ZNF439: variants seen among roughly 807,000 people sequenced by gnomAD.
The protein encoded by ZNF439 is zinc finger protein 439.
ZNF439 carries 40 observed loss-of-function variants against 47.3 expected under a neutral mutation model. That is an observed-to-expected ratio of 0.85 (90% CI 0.66 to 1.10). ZNF439 has a LOEUF of 1.10. ZNF439 is among the 50% of genes least tolerant of loss of function. The pLI is 0.00. For missense variants in ZNF439, 556 were observed against 601.1 expected, an observed-to-expected ratio of 0.93 and a Z score of 0.78; for synonymous variants, 171 against 198.8, an observed-to-expected ratio of 0.86 and a Z score of 1.18.
chr19:11,849,067 G>C, intron 1 of ZNF439, 137 bp downstream of exon 1: 1 of 1,223,460 alleles, frequency 8.2e-7, no homozygotes, highest in Non-Finnish European at 1.0e-6. Flanking sequence ...CCCCGCGGCC[G>C]CTGGATGTGG....
At chr19:11,866,146 C>G (rs1458433951) in intron 1 of ZNF439, 59 bp from the exon 2 acceptor site, 5 of 1,610,830 alleles carry the variant, frequency 3.1e-6, no homozygotes, top group East Asian at 4.5e-5. Flanking sequence ...GGAATAGAGT[C>G]TAGGCCCCCA....
intron 1 of ZNF439, among the ~76,000 whole-genome samples, chr19:11,854,654 A>G (rs1976336357): frequency 2.0e-5 from 3 of 152,162 alleles, no homozygotes. Context: ...GCTACTCAGG[A>G]GGCTGAGGCA....
intron 1 of ZNF439, among the ~76,000 whole-genome samples, chr19:11,863,861 G>C (rs1484525746): frequency 6.6e-6 from 1 of 152,122 alleles, no homozygotes; most frequent in Non-Finnish European, 1.5e-5. Flanking sequence ...AGGTGTTTCA[G>C]TACCATTTGT....
Position 11,867,950 on chromosome 19 carries a change from G to C in ZNF439, c.896G>C (p.Gly299Ala), listed in dbSNP as rs1187825099. Reference sequence around the variant, plus strand: ...CACAGACATGAAAGGAGTCACATGGGAGAGAAGGCTTATCAATGTAAGGAA... The same window carrying C: ...CACAGACATGAAAGGAGTCACATGGCAGAGAAGGCTTATCAATGTAAGGAA... ...SCHRHERSHMGEKAYQCKECG... is the reference protein window; with the variant it reads ...SCHRHERSHMAEKAYQCKECG... The change falls in exon 4 of 4, where the codon GGA becomes GCA. Residue 299 changes from glycine (G) to alanine (A), a missense_variant. Coordinates refer to ENST00000682736, the MANE Select transcript of ZNF439 (RefSeq NM_001348719.2). 6.2e-7 allele frequency: 1 copy of C among 1,614,138 alleles called. No individual in the cohort carries two copies. The highest frequency in any genetic ancestry group is 2.2e-5 in the East Asian group (1 of 44,868).
At position 11,867,721 on chromosome 19, in the gene ZNF439, T is replaced by G; in HGVS notation, c.667T>G (p.Phe223Val). 1 of 1,614,148 alleles carries G rather than the reference T, an allele frequency of 6.2e-7. No individual in the cohort carries two copies. The highest frequency in any genetic ancestry group is 1.3e-5 in the African/African-American group (1 of 75,044). Residue 223 changes from phenylalanine (F) to valine (V), a missense_variant, in exon 4 of 4, where the codon TTT (phenylalanine) becomes GTT (valine). Phe to Val is a conservative substitution (Grantham distance 50). Transcript: ENST00000682736. ...HSGDGPYKCKFCGKAFHCLSL... is the reference protein window; with the variant it reads ...HSGDGPYKCKVCGKAFHCLSL... ...TGGGGATGGACCTTATAAATGTAAG[T>G]TTTGTGGGAAAGCATTCCATTGTCT...
At chr19:11,851,662 ATTTT>A (rs59080807) in intron 1 of ZNF439, among the ~76,000 whole-genome samples, 1 of 145,860 alleles carries the variant, frequency 6.9e-6, no homozygotes, top group African/African-American at 2.5e-5. Flanking sequence ...CAATAATTTA[ATTTT>A]TTTTTTTTTT....
chr19:11,848,987 G>A, intron 1 of ZNF439, 57 bp downstream of exon 1: 1 of 1,473,816 alleles, frequency 6.8e-7, no homozygotes, highest in South Asian at 1.2e-5. Flanking sequence ...GAACTGGCGG[G>A]ACCCGGGCCT....
At chr19:11,866,079 T>A in intron 1 of ZNF439, 126 bp from the exon 2 acceptor site, 1 of 1,536,984 alleles carries the variant, frequency 6.5e-7, no homozygotes. Flanking sequence ...GAAAGGGATC[T>A]GATGACCAAA....
rs766473520 is a variant in ZNF439 at position 11,868,290 on chromosome 19, G to C, written c.1236G>C (p.Glu412Asp). The part of the protein sequence containing the change: ...FRYHERTHTG[E>D]KPYECKQCGK... Reference sequence around the variant, plus strand: ...ATCATGAAAGGACTCACACTGGAGAGAAACCCTATGAGTGTAAGCAATGTG... The same window carrying C: ...ATCATGAAAGGACTCACACTGGAGACAAACCCTATGAGTGTAAGCAATGTG... Residue 412 changes from glutamate (E) to aspartate (D), a missense_variant, in exon 4 of 4, where the codon GAG becomes GAC. Physicochemically the swap from Glu to Asp is conservative, Grantham distance 45. Transcript: ENST00000682736. 2.5e-6 allele frequency: 4 copies of C among 1,613,858 alleles called. No homozygotes were observed. The African/African-American group carries it at 5.3e-5, about 22-fold the overall frequency.
At chr19:11,866,117 G>A in intron 1 of ZNF439, 88 bp from the exon 2 acceptor site, 1 of 1,586,310 alleles carries the variant, frequency 6.3e-7, no homozygotes, top group Non-Finnish European at 8.6e-7. Context: ...GGAGTCCACG[G>A]CATCCTGAGA....
intron 3 of ZNF439, 44 bp downstream of exon 3, chr19:11,866,641 C>G (rs1419362384): frequency 6.4e-7 from 1 of 1,570,910 alleles, no homozygotes; most frequent in Non-Finnish European, 8.7e-7. Flanking sequence ...TCTACACGAT[C>G]TTAGAATATG....
rs189271217 is a variant in ZNF439 at position 11,858,335 on chromosome 19, A to G, written c.64-7870A>G. The G allele has an allele frequency of 5.3e-3, 809 of 151,868 alleles. 8 individuals are homozygous for G. The highest frequency in any genetic ancestry group is 6.7e-3 in the Non-Finnish European group (459 of 68,046). The allele number at this position is 151,868 out of a possible 1,614,324, so 9.4% of individuals were successfully genotyped here. On this transcript the variant is annotated intron_variant, in intron 1 of 3. Coordinates refer to ENST00000682736, the MANE Select transcript of ZNF439 (RefSeq NM_001348719.2). Reference sequence around the variant, plus strand: ...AAAAAAATTAGCCAGGCATGGTGGCAGGCACCTGTAGTCCCAGCTACTTGG... The same window carrying G: ...AAAAAAATTAGCCAGGCATGGTGGCGGGCACCTGTAGTCCCAGCTACTTGG...
chr19:11,851,913 C>G (rs1356699474), intron 1 of ZNF439, among the ~76,000 whole-genome samples: 1 of 152,158 alleles, frequency 6.6e-6, no homozygotes, highest in African/African-American at 2.4e-5. Flanking sequence ...CTCCACAAGT[C>G]TTGGGATTGC....
At chr19:11,853,074 C>T (rs1021667364) in intron 1 of ZNF439, among the ~76,000 whole-genome samples, 6 of 151,934 alleles carry the variant, frequency 3.9e-5, no homozygotes, top group Middle Eastern at 3.4e-3. Context: ...GGATTACAGG[C>T]GCCTGCCACC....
At chr19:11,851,461 T>C (rs568816200) in intron 1 of ZNF439, among the ~76,000 whole-genome samples, 1 of 152,228 alleles carries the variant, frequency 6.6e-6, no homozygotes, top group African/African-American at 2.4e-5. Context: ...CTTCAGGCTG[T>C]TTTCTTCATG....
chr19:11,863,379 T>G (rs1976591418), intron 1 of ZNF439, among the ~76,000 whole-genome samples: 1 of 152,038 alleles, frequency 6.6e-6, no homozygotes, highest in African/African-American at 2.4e-5. Context: ...CAGGTTGGTC[T>G]CAACCTCCTG....
intron 2 of ZNF439, 83 bp from the exon 3 acceptor site, chr19:11,866,454 G>A: frequency 6.2e-7 from 1 of 1,601,356 alleles, no homozygotes; most frequent in Admixed American, 1.7e-5. Flanking sequence ...AGGCATGGCT[G>A]CTGTAAATCA....
intron 1 of ZNF439, among the ~76,000 whole-genome samples, chr19:11,853,892 T>C (rs1401520042): frequency 6.6e-6 from 1 of 152,222 alleles, no homozygotes; most frequent in Non-Finnish European, 1.5e-5. Flanking sequence ...GGTCCAAATA[T>C]TGAGGCTCTC....
intron 1 of ZNF439, among the ~76,000 whole-genome samples, chr19:11,853,349 AT>A (rs1976301722): frequency 6.6e-6 from 1 of 152,198 alleles, no homozygotes; most frequent in Admixed American, 6.5e-5. Context: ...GCAAAAGAAT[AT>A]GTTTGGAACA....
Sources: gnomAD v4.1 joint callset for allele counts (sites outside exome capture counted in the v4.1 genomes callset) on GRCh38, gnomAD v4.1.1 for gene constraint, MANE v1.5 for transcripts, NCBI Gene and HGNC (gene_info 2026-07-23, HGNC 2026-07-21) for gene names.